DIPK1A: variants seen among roughly 807,000 people sequenced by gnomAD.
DIPK1A encodes the protein family with sequence similarity 69 member A.
DIPK1A carries 27 observed loss-of-function variants against 40.8 expected under a neutral mutation model. That is an observed-to-expected ratio of 0.66 (90% confidence interval 0.49 to 0.91). The LOEUF (loss-of-function observed/expected upper bound fraction) is 0.91. Ranked by LOEUF, DIPK1A falls within the 40% of genes least tolerant of loss-of-function variation. The probability of loss-of-function intolerance (pLI) is 0.00; values close to 1 mark genes in which losing one functional copy is unlikely to be tolerated. For synonymous variants in DIPK1A, 166 were observed against 171.3 expected (o/e 0.97, Z 0.24); for missense variants, 412 against 505.7 (o/e 0.81, Z 1.78).
chr1:92,884,760 T>C (rs774921156), intron 1 of DIPK1A, among the ~76,000 whole-genome samples: 8 of 152,202 alleles, frequency 5.3e-5, no homozygotes, highest in Non-Finnish European at 1.0e-4. Context: ...AACTTGGAGA[T>C]GAGAATGCAT....
At chr1:92,935,898 C>A (rs1029847042) in intron 1 of DIPK1A, among the ~76,000 whole-genome samples, 17 of 151,926 alleles carry the variant, frequency 1.1e-4, no homozygotes, top group African/African-American at 4.1e-4. Context: ...CAAAGCGAGA[C>A]CCTGTCTCTA....
chr1:92,885,769 A>G (rs896864150), intron 1 of DIPK1A, among the ~76,000 whole-genome samples: 3 of 152,212 alleles, frequency 2.0e-5, no homozygotes, highest in South Asian at 2.1e-4. Flanking sequence ...AAGAGTTTTC[A>G]GTGAACTCAG....
chr1:92,914,599 T>C (rs1649970076), intron 1 of DIPK1A, among the ~76,000 whole-genome samples: 1 of 150,690 alleles, frequency 6.6e-6, no homozygotes, highest in African/African-American at 2.4e-5. Flanking sequence ...TGAAACCCCG[T>C]CTCTACTAAA....
At chr1:92,915,083 CAA>C (rs10583235) in intron 1 of DIPK1A, among the ~76,000 whole-genome samples, 44,445 of 78,750 alleles carry the variant, frequency 0.56, 9,471 homozygotes, top group East Asian at 0.83. Context: ...GCAAGACTGT[CAA>C]AAAAAAAAAA....
intron 2 of DIPK1A, among the ~76,000 whole-genome samples, chr1:92,861,583 TC>T (rs1647274142): frequency 6.6e-6 from 1 of 152,070 alleles, no homozygotes; most frequent in Non-Finnish European, 1.5e-5. Context: ...CACCTTGGCC[TC>T]CCAATGTGCT....
intron 4 of DIPK1A, among the ~76,000 whole-genome samples, chr1:92,845,278 A>AT (rs996342229): frequency 3.4e-4 from 45 of 132,270 alleles, no homozygotes; most frequent in African/African-American, 1.2e-3. Context: ...TAAAAAAATA[A>AT]TTTGCAGAGT....
At chr1:92,918,906 C>G (rs1310689664) in intron 1 of DIPK1A, among the ~76,000 whole-genome samples, 2 of 152,274 alleles carry the variant, frequency 1.3e-5, no homozygotes, top group African/African-American at 4.8e-5. Context: ...AGGGTTCCAG[C>G]TCCTGTGAGA....
chr1:92,913,567 C>G (rs562604133), intron 1 of DIPK1A, among the ~76,000 whole-genome samples: 61 of 152,270 alleles, frequency 4.0e-4, no homozygotes, highest in African/African-American at 1.3e-3. Flanking sequence ...ATGACACATT[C>G]TTTATAAGCA....
rs1157142089 is a variant in DIPK1A at position 92,959,903 on chromosome 1, CTT to C, written c.54+1471_54+1472del. On this transcript the variant is annotated intron_variant, in intron 1 of 4. Transcript: ENST00000370310. ...GCTGGGACCACAGGCACCCAACCAA[CTT>C]TTTTTTTTTTTTTTTTTTTTTTGTA... Among the ~76,000 whole-genome samples, 90 of 47,874 alleles carry C rather than the reference CTT, an allele frequency of 1.9e-3. 1 individual carries two copies. The highest frequency in any genetic ancestry group is 8.8e-3 in the African/African-American group (80 of 9,078). The allele number at this position is 47,874 out of a possible 152,430, so 31.4% of individuals were successfully genotyped here. A position where few individuals can be genotyped will look rare whatever the true frequency, so the allele number is the denominator to read the frequency against.
intron 1 of DIPK1A, among the ~76,000 whole-genome samples, chr1:92,924,855 G>T (rs776695593): frequency 6.6e-6 from 1 of 152,158 alleles, no homozygotes; most frequent in Non-Finnish European, 1.5e-5. Context: ...ATGTCCCATG[G>T]GCCTTCGGCT....
Position 92,843,948 on chromosome 1 carries a change from AGGCT to A in DIPK1A, c.718_721del (p.Ser240PhefsTer31). On this transcript the variant is annotated frameshift_variant, in exon 5 of 5. Coordinates refer to ENST00000370310, the MANE Select transcript of DIPK1A (RefSeq NM_001006605.5). LOFTEE classifies it high-confidence loss of function. Reference sequence around the variant, plus strand: ...AATAAAAAGTTCAATGACCCAAGGAAGGCTTATTCCATAAAGAGAGGTATATTCA... The same window carrying A: ...AATAAAAAGTTCAATGACCCAAGGAATATTCCATAAAGAGAGGTATATTCA... The A allele has an allele frequency of 6.4e-7, 1 of 1,551,904 alleles. No individual in the cohort carries two copies. The highest frequency in any genetic ancestry group is 2.4e-5 in the East Asian group (1 of 40,928).
chr1:92,860,646 A>AAAAAAAAAAAAAATAGCCAGGTG (rs148916481), intron 2 of DIPK1A, among the ~76,000 whole-genome samples: 10 of 105,214 alleles, frequency 9.5e-5, no homozygotes, highest in Admixed American at 2.4e-4. Context: ...AAAAAAAAAA[A>AAAAAAAAAAAAAATAGCCAGGTG]TGGTGGTGTG....
At chr1:92,952,816 C>T (rs1296020423) in intron 1 of DIPK1A, among the ~76,000 whole-genome samples, 4 of 151,454 alleles carry the variant, frequency 2.6e-5, no homozygotes, top group South Asian at 2.1e-4. Flanking sequence ...AGGATGGCAG[C>T]CTGATCAACA....
At chr1:92,893,487 G>C (rs1262702070) in intron 1 of DIPK1A, among the ~76,000 whole-genome samples, 2 of 151,914 alleles carry the variant, frequency 1.3e-5, no homozygotes, top group Admixed American at 6.6e-5. Flanking sequence ...TGCCCTAAAA[G>C]AGCTCCTGAA....
At chr1:92,923,859 C>A (rs928050844) in intron 1 of DIPK1A, among the ~76,000 whole-genome samples, 3 of 152,046 alleles carry the variant, frequency 2.0e-5, no homozygotes, top group Non-Finnish European at 4.4e-5. Flanking sequence ...CTTAGTGTTA[C>A]ACAGAAATGA....
intron 1 of DIPK1A, among the ~76,000 whole-genome samples, chr1:92,936,998 T>A (rs1218974983): frequency 6.6e-6 from 1 of 152,260 alleles, no homozygotes; most frequent in African/African-American, 2.4e-5. Flanking sequence ...CTGTACCCAC[T>A]AGCTACCAAG....
intron 1 of DIPK1A, among the ~76,000 whole-genome samples, chr1:92,883,942 A>G (rs1648489598): frequency 6.6e-6 from 1 of 152,160 alleles, no homozygotes; most frequent in South Asian, 2.1e-4. Context: ...ACCAGAATAG[A>G]CAGCTTTCTT....
rs979367954 is a variant in DIPK1A, at chr1:92,842,319, G to C, written c.*1064C>G. ...TAGATTTTTAACATGTTCCACTTTA[G>C]GTAGGCGAAACCTTTGAGCAGAAAA... On this transcript the variant is annotated 3_prime_UTR_variant, in exon 5 of 5. Transcript: ENST00000370310. 1.0e-6 allele frequency: 1 copy of C among 986,154 alleles called. No homozygotes were observed. The highest frequency in any genetic ancestry group is 1.7e-5 in the African/African-American group (1 of 57,364). The allele number at this position is 986,154 out of a possible 1,614,324, so 61.1% of individuals were successfully genotyped here.
rs537212336 is a variant in DIPK1A, at chr1:92,934,563, T to C, written c.54+26813A>G. On this transcript the variant is annotated intron_variant, in intron 1 of 4. Transcript: ENST00000370310. ...ATTTGTGGAAACACACATACTTGCA[T>C]AGTTCAAATGTATTTCCTGAGTCAG... is the stretch of plus-strand genomic sequence containing the variant. Among the ~76,000 whole-genome samples, 6 of 152,328 alleles carry C rather than the reference T, an allele frequency of 3.9e-5. No individual in the cohort carries two copies. In the South Asian group the frequency reaches 1.2e-3, roughly 32 times the overall value.
Sources: gnomAD v4.1 joint callset for allele counts (sites outside exome capture counted in the v4.1 genomes callset) on GRCh38, gnomAD v4.1.1 for gene constraint, MANE v1.5 for transcripts, NCBI Gene and HGNC (gene_info 2026-07-23, HGNC 2026-07-21) for gene names.